Variants in FKBP9 observed in about 807,000 individuals in gnomAD.
The protein encoded by FKBP9 is FKBP prolyl isomerase 9.
FKBP9 carries 27 observed loss-of-function variants against 55.6 expected under a neutral mutation model. The observed-to-expected ratio is 0.49, with a 90% CI of 0.36 to 0.67. FKBP9 has a LOEUF of 0.67. FKBP9 is among the 30% of genes least tolerant of loss of function. FKBP9 has a pLI of 0.00. For missense variants in FKBP9, 539 were observed against 742.8 expected (o/e 0.73, Z 3.19); for synonymous variants, 267 against 296.5 (o/e 0.90, Z 1.02).
chr7:32,971,480 T>C (rs1352877785), intron 1 of FKBP9, among the ~76,000 whole-genome samples: 1 of 151,946 alleles, frequency 6.6e-6, no homozygotes, highest in African/African-American at 2.4e-5. Flanking sequence ...TTTCTTCCTT[T>C]CTTTCTTTCC....
intron 4 of FKBP9, among the ~76,000 whole-genome samples, chr7:32,978,804 A>G (rs1187084349): frequency 1.3e-5 from 2 of 152,236 alleles, no homozygotes; most frequent in Admixed American, 6.5e-5. Flanking sequence ...TTTACTTTAA[A>G]TAAATAATAG....
chr7:33,002,815 C>T lies in FKBP9; in HGVS notation c.1512C>T (p.Gly504=). The part of the protein sequence containing the change: ...PNLFEEIDKD[G]NGEVLLEEFS... The stretch of plus-strand genomic sequence containing the variant: ...TCTTTGAAGAAATTGACAAGGATGG[C>T]AACGGAGAAGTCCTCCTGGAAGAGG... Residue 504 remains glycine, a synonymous_variant, in exon 9 of 10, where the codon GGC becomes GGT. Transcript: ENST00000242209. The T allele has an allele frequency of 6.2e-7, 1 of 1,613,960 alleles. No individual in the cohort carries two copies. The highest frequency in any genetic ancestry group is 8.5e-7 in the Non-Finnish European group (1 of 1,179,932).
intron 1 of FKBP9, among the ~76,000 whole-genome samples, chr7:32,959,815 A>G (rs1335681763): frequency 6.6e-6 from 1 of 152,168 alleles, no homozygotes; most frequent in Non-Finnish European, 1.5e-5. Context: ...TGTATATGTA[A>G]TATTCCATTG....
chr7:33,001,128 A>G (rs1784921768), intron 8 of FKBP9, among the ~76,000 whole-genome samples: 1 of 152,134 alleles, frequency 6.6e-6, no homozygotes, highest in Non-Finnish European at 1.5e-5. Flanking sequence ...CTGGACATGG[A>G]GGAGATAGGA....
intron 1 of FKBP9, among the ~76,000 whole-genome samples, chr7:32,963,951 C>T (rs760734195): frequency 1.1e-4 from 16 of 152,226 alleles, no homozygotes; most frequent in Admixed American, 1.3e-4. Flanking sequence ...CTCACCCTTT[C>T]AGCAGGACTG....
rs755800487 is a variant in FKBP9 at position 33,002,715 on chromosome 7, T to C, written c.1412T>C (p.Ile471Thr). 44 of 1,614,028 alleles carry C rather than the reference T, an allele frequency of 2.7e-5. No individual in the cohort carries two copies. The highest frequency in any genetic ancestry group is 2.3e-4 in the Admixed American group (14 of 59,986). ...VPGSAVLVFDIELLELVAGLP... is the reference protein window; with the variant it reads ...VPGSAVLVFDTELLELVAGLP... ...GGCAGTGCCGTATTAGTGTTTGACA[T>C]TGAGCTGCTGGAGCTGGTGGCTGGC... The change falls in exon 9 of 10, where the codon ATT becomes ACT. Residue 471 changes from isoleucine to threonine, a missense_variant. Ile to Thr is a moderately conservative substitution (Grantham distance 89). This residue lies in a region of FKBP9 where 102 missense variants were observed against 200.7 expected (regional missense o/e 0.51). Coordinates refer to ENST00000242209, the MANE Select transcript of FKBP9 (RefSeq NM_007270.5).
At chr7:32,978,248 G>T (rs1784403842) in intron 4 of FKBP9, among the ~76,000 whole-genome samples, 1 of 151,078 alleles carries the variant, frequency 6.6e-6, no homozygotes, top group African/African-American at 2.4e-5. Flanking sequence ...ACATGCTGGG[G>T]ATCTGCAGAT....
Position 32,974,758 on chromosome 7 carries a change from A to C in FKBP9, c.363A>C (p.Gly121=). The change falls in exon 2 of 10, where the codon GGA becomes GGC. Residue 121 remains glycine (G), a synonymous_variant. Transcript: ENST00000242209. ...IPPKLAYGNE[G]VSGVIPPNSV... ...CAAAGCTTGCCTACGGAAATGAAGGAGTTTGTAAGCTTTTCTTCCTCGTTT... is the reference window on the plus strand; with the variant it reads ...CAAAGCTTGCCTACGGAAATGAAGGCGTTTGTAAGCTTTTCTTCCTCGTTT... 1 of 1,613,296 alleles carries C rather than the reference A, an allele frequency of 6.2e-7. No individual in the cohort carries two copies. Among genetic ancestry groups the C allele is most frequent in the South Asian group, 1.1e-5 (1 of 90,966 alleles).
intron 1 of FKBP9, among the ~76,000 whole-genome samples, chr7:32,967,215 C>T (rs1335025553): frequency 6.6e-6 from 1 of 152,216 alleles, no homozygotes; most frequent in Non-Finnish European, 1.5e-5. Context: ...CACCTTTGCA[C>T]ACACCCACTT....
At chr7:32,987,239 G>A (rs929028489) in intron 5 of FKBP9, among the ~76,000 whole-genome samples, 2 of 152,174 alleles carry the variant, frequency 1.3e-5, no homozygotes, top group African/African-American at 4.8e-5. Flanking sequence ...GCTCAAGCCT[G>A]TAATTCCACA....
chr7:32,959,467 C>T (rs2127974706), intron 1 of FKBP9, among the ~76,000 whole-genome samples: 1 of 152,268 alleles, frequency 6.6e-6, no homozygotes, highest in East Asian at 1.9e-4. Flanking sequence ...AGATATAATG[C>T]CATACAATTT....
At chr7:32,979,484 A>G in intron 4 of FKBP9, 8 of 1,544,094 alleles carry the variant, frequency 5.2e-6, no homozygotes. Flanking sequence ...AAGGAGATGC[A>G]GGGTGGGCTT....
chr7:32,994,788 G>A (rs1784752000), intron 6 of FKBP9, among the ~76,000 whole-genome samples: 1 of 152,028 alleles, frequency 6.6e-6, no homozygotes, highest in Non-Finnish European at 1.5e-5. Context: ...TATTAAATAT[G>A]AGCGTGAGTG....
intron 1 of FKBP9, among the ~76,000 whole-genome samples, chr7:32,965,853 A>G (rs1261870407): frequency 1.9e-5 from 1 of 51,366 alleles, no homozygotes; most frequent in East Asian, 4.4e-4. Context: ...ATGTGTGTAC[A>G]GATATATATA....
chr7:32,963,473 A>G, intron 1 of FKBP9: 1 of 505,438 alleles, frequency 2.0e-6, no homozygotes, highest in Non-Finnish European at 3.2e-6. Flanking sequence ...TAGTGTAAGT[A>G]GAAATTCTAG....
At chr7:32,980,638 T>C in intron 5 of FKBP9, 85 bp downstream of exon 5, 1 of 1,522,396 alleles carries the variant, frequency 6.6e-7, no homozygotes, top group East Asian at 2.3e-5. Flanking sequence ...TTAAATACTC[T>C]GTCCATGCTG....
At chr7:32,985,942 G>A (rs537487490) in intron 5 of FKBP9, among the ~76,000 whole-genome samples, 7 of 152,246 alleles carry the variant, frequency 4.6e-5, no homozygotes, top group Admixed American at 4.6e-4. Context: ...GCAGTGAGCC[G>A]AGATCTTACC....
intron 6 of FKBP9, among the ~76,000 whole-genome samples, chr7:32,994,581 A>T (rs1487020865): frequency 2.0e-5 from 3 of 150,042 alleles, no homozygotes; most frequent in Non-Finnish European, 3.0e-5. Context: ...CCTGCACCCC[A>T]CTCCACCCAC....
intron 7 of FKBP9, among the ~76,000 whole-genome samples, chr7:32,998,076 G>A (rs1784852052): frequency 6.6e-6 from 1 of 152,308 alleles, no homozygotes; most frequent in South Asian, 2.1e-4. Flanking sequence ...TGAAATATGT[G>A]CTAGGCTTCC....
Sources: allele counts gnomAD v4.1 joint callset (sites outside exome capture counted in the v4.1 genomes callset), GRCh38; gene constraint gnomAD v4.1.1; regional missense constraint gnomAD v4.1.1; transcripts MANE v1.5; gene names NCBI Gene and HGNC (gene_info 2026-07-23, HGNC 2026-07-21).